The following TTN variants were observed in gnomAD, a reference collection of about 807,000 sequenced individuals.
The protein encoded by TTN is connectin.
Under a neutral mutation model 3,223.0 loss-of-function variants are expected in TTN, and 1,525 were observed. The ratio of observed to expected loss-of-function variants is 0.47; its 90% CI spans 0.45 to 0.49. The LOEUF (loss-of-function observed/expected upper bound fraction) is 0.49, where lower values mean the gene tolerates loss of function less well. Among genes scored for constraint, TTN ranks in the 20% least tolerant of loss-of-function variants. The pLI is 0.00. For synonymous variants in TTN, 14,094 were observed against 15,161.0 expected (o/e 0.93, Z 5.17); for missense variants, 40,786 against 43,424.0 (o/e 0.94, Z 5.40).
At position 178,590,711 on chromosome 2, in the gene TTN, T is replaced by A; in HGVS notation, c.61014A>T (p.Gly20338=). The change falls in exon 304 of 363, where the codon GGA becomes GGT. Residue 20338 remains glycine, a synonymous_variant. Coordinates refer to ENST00000589042, the MANE Select transcript of TTN (RefSeq NM_001267550.2). The stretch of plus-strand genomic sequence containing the variant: ...CAAAAACTCTAAACTCATATGTATT[T>A]CCTTCATAGAGTCCAGTCACTCTGA... ...LKFRVTGLYE[G]NTYEFRVFAE... 1 of 1,613,002 alleles carries A rather than the reference T, an allele frequency of 6.2e-7. No individual in the cohort carries two copies. The highest frequency in any genetic ancestry group is 8.5e-7 in the Non-Finnish European group (1 of 1,179,356).
chr2:178,730,390 C>T lies in TTN; in HGVS notation c.18029-19G>A. 1 of 1,556,148 alleles carries T rather than the reference C, an allele frequency of 6.4e-7. No individual in the cohort carries two copies. Among genetic ancestry groups the T allele is most frequent in the Non-Finnish European group, 8.7e-7 (1 of 1,154,362 alleles). On this transcript the variant is annotated intron_variant, in intron 61 of 362. Transcript: ENST00000589042. ...GGGGGTTCTGAGGTGAAAGAAAAAA[C>T]AAGCAAAAGAAAATAGGAAGTTTTA...
At position 178,677,705 on chromosome 2, in the gene TTN, C is replaced by A. The variant is rs878921943; in HGVS notation, c.34207G>T (p.Glu11403Ter). 1 of 1,612,724 alleles carries A rather than the reference C, an allele frequency of 6.2e-7. No homozygotes were observed. ...PEEEEVPPEEEYVPEEEEFVP... is the reference protein window; with the variant it reads ...PEEEEVPPEE ...AATTCTTCTTCCTCAGGTACATATT[C>A]TTCTTCGGGAGGAACTTCCTCTTCC... The change falls in exon 146 of 363, where the codon GAA becomes TAA. Residue 11403 changes from glutamate to a stop codon, truncating the protein, a stop_gained. Transcript: ENST00000589042. LOFTEE classifies it high-confidence loss of function.
Position 178,667,239 on chromosome 2 carries a change from C to T in TTN, c.35794G>A (p.Glu11932Lys), listed in dbSNP as rs878854299. The part of the protein sequence containing the change: ...IPEIPEHPPT[E>K]EFEVFKEVIP... The stretch of plus-strand genomic sequence containing the variant: ...TTTCCTAACTAGAGAATTATACCTT[C>T]AGTTGGAGGATGTTCTGGAATTTCA... The change falls in exon 162 of 363, where the codon GAA becomes AAA. Residue 11932 changes from glutamate to lysine, a missense_variant. By Grantham distance (56) the Glu-to-Lys change is moderately conservative. Transcript: ENST00000589042. 1 of 1,596,686 alleles carries T rather than the reference C, an allele frequency of 6.3e-7. No individual in the cohort carries two copies. The highest frequency in any genetic ancestry group is 8.5e-7 in the Non-Finnish European group (1 of 1,171,268).
rs727504849 is a variant in TTN at position 178,589,983 on chromosome 2, A to C, written c.61742T>G (p.Val20581Gly). 1.9e-6 allele frequency: 3 copies of C among 1,613,186 alleles called. No homozygotes were observed. The highest frequency in any genetic ancestry group is 2.5e-6 in the Non-Finnish European group (3 of 1,179,490). Residue 20581 changes from valine to glycine, a missense_variant, in exon 304 of 363, where the codon GTA becomes GGA. Coordinates refer to ENST00000589042, the MANE Select transcript of TTN (RefSeq NM_001267550.2). Reference protein sequence around the residue: ...GPCQNLKVTNVTKENCTISWE... With the variant: ...GPCQNLKVTNGTKENCTISWE... ...AGAAATTGTACAGTTCTCTTTGGTT[A>C]CATTGGTAACCTTCAAATTCTGGCA...
rs747623526 is a variant in TTN, at chr2:178,586,527, C to T, written c.64374G>A (p.Val21458=). Residue 21458 remains valine, a synonymous_variant, in exon 308 of 363, where the codon GTG becomes GTA. Transcript: ENST00000589042. ...TACACAGTTGTTCTTTGGCTTCATA[C>T]ACTCCTTCAGCTTCTCTTGGCAAAC... ...GVSLPREAEG[V]YEAKEQLLPP... The T allele has an allele frequency of 2.3e-5, 37 of 1,613,110 alleles. No homozygotes were observed. The highest frequency in any genetic ancestry group is 3.1e-5 in the Non-Finnish European group (37 of 1,179,336).
chr2:178,749,252 A>T (rs1449900155), intron 47 of TTN: 1 of 1,611,682 alleles, frequency 6.2e-7, no homozygotes, highest in African/African-American at 1.3e-5. Context: ...GAAATCATCA[A>T]CAAATGGATA....
chr2:178,623,878 G>A (rs2058662963), intron 242 of TTN, among the ~76,000 whole-genome samples: 1 of 151,884 alleles, frequency 6.6e-6, no homozygotes, highest in African/African-American at 2.4e-5. Context: ...AACCATTAGA[G>A]TTCTCTTCAT....
At position 178,799,711 on chromosome 2, in the gene TTN, A is replaced by G; in HGVS notation, c.690T>C (p.Asp230=). 1 of 1,614,182 alleles carries G rather than the reference A, an allele frequency of 6.2e-7. No homozygotes were observed. Among genetic ancestry groups the G allele is most frequent in the Middle Eastern group, 1.6e-4 (1 of 6,062 alleles). ...TCTCAACTGTTGCAATTGATCTGGC[A>G]TCAAAGTGGGCTTCAATCTTCTGTA... ...RIEKKIEAHF[D]ARSIATVEMV... is the part of the protein sequence containing the mutation. Residue 230 remains aspartate (D), a synonymous_variant, in exon 6 of 363, where the codon GAT becomes GAC. Transcript: ENST00000589042.
chr2:178,640,587 T>C lies in TTN; in HGVS notation c.40677A>G (p.Val13559=). The C allele has an allele frequency of 6.3e-7, 1 of 1,597,068 alleles. No homozygotes were observed. Among genetic ancestry groups the C allele is most frequent in the South Asian group, 1.1e-5 (1 of 88,334 alleles). Residue 13559 remains valine (V), a synonymous_variant, in exon 221 of 363, where the codon GTA becomes GTG. Coordinates refer to ENST00000589042, the MANE Select transcript of TTN (RefSeq NM_001267550.2). ...PPPKPVEEVE[V]PTVTKRERKI... Reference sequence around the variant, plus strand: ...TCCTTTCCCTTTTTGTAACAGTAGGTACTTCAACCTCTTCAACAGGTTTTG... The same window carrying C: ...TCCTTTCCCTTTTTGTAACAGTAGGCACTTCAACCTCTTCAACAGGTTTTG...
chr2:178,794,474 T>A lies in TTN; in HGVS notation c.1323A>T (p.Pro441=), dbSNP rs770102555. The change falls in exon 8 of 363, where the codon CCA becomes CCT. Residue 441 remains proline (P), a synonymous_variant. Coordinates refer to ENST00000589042, the MANE Select transcript of TTN (RefSeq NM_001267550.2). ...CAGTCTGCTCTACAGCGCTGATCAC[T>A]GGTTCTCTCACTCTGGCCATATCAA... ...AAVDMARVRE[P]VISAVEQTAQ... The A allele has an allele frequency of 1.7e-5, 27 of 1,614,230 alleles. No homozygotes were observed. Among genetic ancestry groups the A allele is most frequent in the Non-Finnish European group, 2.2e-5 (26 of 1,180,020 alleles).
Position 178,685,261 on chromosome 2 carries a change from G to T in TTN, c.32462C>A (p.Pro10821Gln). Residue 10821 changes from proline to glutamine, a missense_variant, in exon 129 of 363, where the codon CCG becomes CAG. Pro to Gln is a moderately conservative substitution (Grantham distance 76). Coordinates refer to ENST00000589042, the MANE Select transcript of TTN (RefSeq NM_001267550.2). Reference protein sequence around the residue: ...KIPAKIEEPPPAKVPEAPKKI... With the variant: ...KIPAKIEEPPQAKVPEAPKKI... ...TTTGAAAGAAATCATACCTTTAGCC[G>T]GTGGAGGCTCCTCTATTTTAGCAGG... 1.9e-6 allele frequency: 3 copies of T among 1,547,052 alleles called. No individual in the cohort carries two copies. The highest frequency in any genetic ancestry group is 2.6e-6 in the Non-Finnish European group (3 of 1,145,878).
rs748107448 is a variant in TTN at position 178,667,510 on chromosome 2, T to C, written c.35645A>G (p.Lys11882Arg). The change falls in exon 161 of 363, where the codon AAG becomes AGG. Residue 11882 changes from lysine to arginine, a missense_variant. By Grantham distance (26) the Lys-to-Arg change is conservative. Transcript: ENST00000589042. ...PKLAKVPEPP[K>R]KVVPEDKIYV... is the part of the protein sequence containing the mutation. ...TATTTTGTCTTCTGGAACAACTTTC[T>C]TGGGTGGCTCAGGCACTTAAAAGAT... 2 of 1,598,038 alleles carry C rather than the reference T, an allele frequency of 1.3e-6. No homozygotes were observed. The highest frequency in any genetic ancestry group is 1.7e-6 in the Non-Finnish European group (2 of 1,179,268).
chr2:178,721,195 T>G lies in TTN; in HGVS notation c.22824A>C (p.Pro7608=). ...AAGCTTCTAATTTCTTAACAAACTT[T>G]GGAGGTTCTAGTAAACCAAACAAAA... The part of the protein sequence containing the change: ...CSAQLSVKEP[P]KFVKKLEASK... The change falls in exon 79 of 363, where the codon CCA becomes CCC. Residue 7608 remains proline (P), a synonymous_variant. Transcript: ENST00000589042. 2 of 1,594,158 alleles carry G rather than the reference T, an allele frequency of 1.3e-6. No individual in the cohort carries two copies. The highest frequency in any genetic ancestry group is 1.7e-6 in the Non-Finnish European group (2 of 1,167,396).
chr2:178,577,196 C>T lies in TTN; in HGVS notation c.69139G>A (p.Val23047Ile), dbSNP rs2154173593. ...TCAGCAGAAACATTACTGATTTCAA[C>T]AGGACCTGGGGGACCAGGTACATCA... is the stretch of plus-strand genomic sequence containing the variant. ...VLDVPGPPGP[V>I]EISNVSAEKA... The change falls in exon 324 of 363, where the codon GTT (valine) becomes ATT (isoleucine). Residue 23047 changes from valine (V) to isoleucine (I), a missense_variant. Coordinates refer to ENST00000589042, the MANE Select transcript of TTN (RefSeq NM_001267550.2). 1 of 1,612,914 alleles carries T rather than the reference C, an allele frequency of 6.2e-7. No homozygotes were observed. The highest frequency in any genetic ancestry group is 8.5e-7 in the Non-Finnish European group (1 of 1,179,438).
chr2:178,771,490 A>G lies in TTN; in HGVS notation c.7856-19T>C. 2 of 1,613,860 alleles carry G rather than the reference A, an allele frequency of 1.2e-6. No homozygotes were observed. Among genetic ancestry groups the G allele is most frequent in the Non-Finnish European group, 1.7e-6 (2 of 1,179,770 alleles). On this transcript the variant is annotated intron_variant, in intron 33 of 362. Coordinates refer to ENST00000589042, the MANE Select transcript of TTN (RefSeq NM_001267550.2). ...GCCCCACCTTTGGAACAAGAGATGTACAGTATGAGTCCTTTAAACATATTC... is the reference window on the plus strand; with the variant it reads ...GCCCCACCTTTGGAACAAGAGATGTGCAGTATGAGTCCTTTAAACATATTC...
chr2:178,561,562 A>T lies in TTN; in HGVS notation c.84570T>A (p.His28190Gln). The T allele has an allele frequency of 6.2e-7, 1 of 1,613,328 alleles. No homozygotes were observed. Among genetic ancestry groups the T allele is most frequent in the Non-Finnish European group, 8.5e-7 (1 of 1,179,610 alleles). The change falls in exon 326 of 363, where the codon CAT (histidine) becomes CAA (glutamine). Residue 28190 changes from histidine to glutamine, a missense_variant. Coordinates refer to ENST00000589042, the MANE Select transcript of TTN (RefSeq NM_001267550.2). ...TGCTGCTTCTTTCTTTATACTCAAGATGATAGCCAATTACTCGACTTCCTC... is the reference window on the plus strand; with the variant it reads ...TGCTGCTTCTTTCTTTATACTCAAGTTGATAGCCAATTACTCGACTTCCTC... ...NDGGSRVIGY[H>Q]LEYKERSSIL...
chr2:178,741,605 G>A lies in TTN; in HGVS notation c.11628C>T (p.Ser3876=), dbSNP rs750642291. 5 of 1,613,762 alleles carry A rather than the reference G, an allele frequency of 3.1e-6. No individual in the cohort carries two copies. The East Asian group carries it at 1.1e-4, about 36-fold the overall frequency. ...YKFVFDGDDH[S]LIILFTKLED... ...CCAATTTGGTGAACAGAATGATCAG[G>A]CTATGATCATCACCGTCAAAAACAA... Residue 3876 remains serine, a synonymous_variant, in exon 48 of 363, where the codon AGC becomes AGT. Transcript: ENST00000589042.
chr2:178,602,207 A>G, intron 283 of TTN, 57 bp from the exon 284 acceptor site: 1 of 1,595,338 alleles, frequency 6.3e-7, no homozygotes, highest in Non-Finnish European at 8.5e-7. Flanking sequence ...AAAGTAATTG[A>G]AATATCTTCA....
At chr2:178,538,122 G>A in intron 354 of TTN, 1 of 580,340 alleles carries the variant, frequency 1.7e-6, no homozygotes, top group Admixed American at 3.3e-5. Context: ...CACATTTTAT[G>A]TAGAGTGTTT....
Sources: gnomAD v4.1 joint callset for allele counts (sites outside exome capture counted in the v4.1 genomes callset) on GRCh38, gnomAD v4.1.1 for gene constraint, MANE v1.5 for transcripts, NCBI Gene and HGNC (gene_info 2026-07-23, HGNC 2026-07-21) for gene names.